The following ATP10B variants were observed in gnomAD, a reference collection of about 807,000 sequenced individuals.
The protein encoded by ATP10B is ATPase phospholipid transporting 10B (putative), also known as phospholipid-transporting ATPase VB.
Under a neutral mutation model 141.2 loss-of-function variants are expected in ATP10B, and 122 were observed. The observed-to-expected ratio is 0.86, with a 90% CI of 0.75 to 1.00. ATP10B has a LOEUF of 1.00. Among genes scored for constraint, ATP10B ranks in the 50% least tolerant of loss-of-function variants. The pLI, the probability that ATP10B is intolerant of heterozygous loss-of-function variation, is 0.00. For missense variants in ATP10B, 1,876 were observed against 1,825.3 expected, an observed-to-expected ratio of 1.03 and a Z score of -0.51; for synonymous variants, 685 against 692.0, an observed-to-expected ratio of 0.99 and a Z score of 0.16.
chr5:160,684,946 A>G (rs768499473), intron 6 of ATP10B: 1 of 703,370 alleles, frequency 1.4e-6, no homozygotes, highest in South Asian at 1.5e-5. Context: ...ACAGATTGGT[A>G]TCATGCTCAC....
At chr5:160,819,254 G>A (rs568808460) in intron 1 of ATP10B, among the ~76,000 whole-genome samples, 25 of 152,206 alleles carry the variant, frequency 1.6e-4, no homozygotes, top group African/African-American at 5.8e-4. Context: ...AAATCTTACA[G>A]GCCAGGAGAG....
intron 2 of ATP10B, among the ~76,000 whole-genome samples, chr5:160,744,089 A>T (rs1767649976): frequency 6.6e-6 from 1 of 152,192 alleles, no homozygotes; most frequent in East Asian, 1.9e-4. Flanking sequence ...GAAAAAACAA[A>T]GCTCAAGAGA....
intron 1 of ATP10B, among the ~76,000 whole-genome samples, chr5:160,803,462 G>T (rs577283173): frequency 6.6e-6 from 1 of 152,132 alleles, no homozygotes; most frequent in Non-Finnish European, 1.5e-5. Context: ...CAGATCACAA[G>T]GTCAGGAGTT....
rs747024784 is a variant in ATP10B at position 160,686,245 on chromosome 5, C to T, written c.304G>A (p.Val102Met). The T allele has an allele frequency of 3.1e-6, 5 of 1,603,962 alleles. No individual in the cohort carries two copies. The highest frequency in any genetic ancestry group is 4.5e-5 in the East Asian group (2 of 44,630). ...RWANLYFLFL[V>M]ILNWMPSMEV... Reference sequence around the variant, plus strand: ...ATGGAGGGCATCCAGTTCAAAATCACCAGGAACAGGAAATAGAGGTTAGCC... The same window carrying T: ...ATGGAGGGCATCCAGTTCAAAATCATCAGGAACAGGAAATAGAGGTTAGCC... Residue 102 changes from valine (V) to methionine (M), a missense_variant, in exon 6 of 26, where the codon GTG becomes ATG. Transcript: ENST00000327245.
rs1322965804 is a variant in ATP10B, at chr5:160,730,039, A to C, written c.-330-13005T>G. 3.3e-5 allele frequency among the ~76,000 whole-genome samples: 5 copies of C among 152,222 alleles called. 1 individual carries two copies. Among genetic ancestry groups the C allele is most frequent in the African/African-American group, 1.2e-4 (5 of 41,460 alleles). ...TAACAGCAATAATATAAAAGCCCAC[A>C]GTGTGCAACTGTAAATTCTTCTTCC... On this transcript the variant is annotated intron_variant, in intron 2 of 25. Coordinates refer to ENST00000327245, the MANE Select transcript of ATP10B (RefSeq NM_025153.3).
intron 7 of ATP10B, among the ~76,000 whole-genome samples, chr5:160,657,185 T>C (rs1356988760): frequency 6.6e-6 from 1 of 152,176 alleles, no homozygotes; most frequent in Non-Finnish European, 1.5e-5. Context: ...TTTTTCATTT[T>C]AAGTTATCAG....
chr5:160,675,071 T>C (rs182082267), intron 6 of ATP10B, among the ~76,000 whole-genome samples: 11 of 152,262 alleles, frequency 7.2e-5, no homozygotes, highest in Non-Finnish European at 1.3e-4. Context: ...ATCCTGCTGA[T>C]ACAGAAAAGC....
At chr5:160,653,604 T>C (rs1232393296) in intron 7 of ATP10B, among the ~76,000 whole-genome samples, 1 of 32,598 alleles carries the variant, frequency 3.1e-5, no homozygotes, top group Non-Finnish European at 8.8e-5. Flanking sequence ...TATACATATA[T>C]ACATATATAC....
chr5:160,821,771 C>T (rs937548429), intron 1 of ATP10B, among the ~76,000 whole-genome samples: 1 of 151,662 alleles, frequency 6.6e-6, no homozygotes, highest in East Asian at 1.9e-4. Context: ...AGAGCAGTCT[C>T]GTTAATAAAT....
chr5:160,623,182 T>A (rs567302398), intron 13 of ATP10B, among the ~76,000 whole-genome samples: 1 of 152,278 alleles, frequency 6.6e-6, no homozygotes, highest in South Asian at 2.1e-4. Context: ...GCTTGAAAAA[T>A]CCTCTTCTAC....
chr5:160,881,223 A>G, the ATP10B span, among the ~76,000 whole-genome samples: 1 of 152,198 alleles, frequency 6.6e-6, no homozygotes, highest in Non-Finnish European at 1.5e-5. Context: ...GGAAAATGCA[A>G]ACTAAAACAA....
intron 2 of ATP10B, among the ~76,000 whole-genome samples, chr5:160,720,185 G>C (rs1765908823): frequency 6.6e-6 from 1 of 152,114 alleles, no homozygotes; most frequent in African/African-American, 2.4e-5. Flanking sequence ...GTGATGTTAT[G>C]AATTGGTATT....
At chr5:160,899,954 A>T in the ATP10B span, among the ~76,000 whole-genome samples, 10 of 152,308 alleles carry the variant, frequency 6.6e-5, no homozygotes, top group East Asian at 1.4e-3. Context: ...AGAGGCAAGG[A>T]ATCCCCCATC....
chr5:160,818,346 A>C (rs1366297525), intron 1 of ATP10B, among the ~76,000 whole-genome samples: 4 of 152,258 alleles, frequency 2.6e-5, no homozygotes, highest in Non-Finnish European at 5.9e-5. Context: ...AAAGGATATG[A>C]ACAGACACTT....
the ATP10B span, among the ~76,000 whole-genome samples, chr5:160,905,369 A>G: frequency 6.6e-6 from 1 of 152,196 alleles, no homozygotes; most frequent in African/African-American, 2.4e-5. Flanking sequence ...CTGCCATTTA[A>G]TAGTTCTGCT....
rs1338276566 is a variant in ATP10B, at chr5:160,653,756, A to T, written c.676-4500T>A. Among the ~76,000 whole-genome samples the T allele has an allele frequency of 9.8e-5, 12 of 122,282 alleles. No individual in the cohort carries two copies. The East Asian group carries it at 2.6e-3, about 27-fold the overall frequency. The allele number at this position is 122,282 out of a possible 152,430, so 80.2% of individuals were successfully genotyped here. A position where few individuals can be genotyped will look rare whatever the true frequency, so the allele number is the denominator to read the frequency against. ...TATATACATATATTACATATACATA[A>T]ATATATATAATATATACATATATAC... On this transcript the variant is annotated intron_variant, in intron 7 of 25. Transcript: ENST00000327245.
chr5:160,872,085 T>C, the ATP10B span, among the ~76,000 whole-genome samples: 122 of 152,230 alleles, frequency 8.0e-4, 3 homozygotes, highest in East Asian at 0.022. Flanking sequence ...TATGGCCATT[T>C]TTTCTGGAGT....
In ATP10B at chr5:160,814,503, G is replaced by A. The variant is rs58060441; in HGVS notation, c.-575-28700C>T. On this transcript the variant is annotated intron_variant, in intron 1 of 25. Coordinates refer to ENST00000327245, the MANE Select transcript of ATP10B (RefSeq NM_025153.3). ...GACTATGTGAAAAGACCAAATCTAC[G>A]TCTGATTGGCGTACCTGAAAGTGAC... Among the ~76,000 whole-genome samples, 161 of 150,178 alleles carry A rather than the reference G, an allele frequency of 1.1e-3. 1 individual carries two copies. Among genetic ancestry groups the A allele is most frequent in the African/African-American group, 3.7e-3 (153 of 41,326 alleles).
chr5:160,586,131 T>C (rs756073169), intron 24 of ATP10B, among the ~76,000 whole-genome samples: 6 of 152,130 alleles, frequency 3.9e-5, no homozygotes, highest in Non-Finnish European at 5.9e-5. Flanking sequence ...CTCCGCTTGT[T>C]CCCCACCTCC....
Sources: allele counts gnomAD v4.1 joint callset (sites outside exome capture counted in the v4.1 genomes callset), GRCh38; gene constraint gnomAD v4.1.1; transcripts MANE v1.5; gene names NCBI Gene and HGNC (gene_info 2026-07-23, HGNC 2026-07-21).